Variants in DPP10 observed in about 807,000 individuals in gnomAD.
DPP10 encodes dipeptidyl peptidase like 10.
Under a neutral mutation model 120.9 loss-of-function variants are expected in DPP10, and 33 were observed. The observed-to-expected ratio is 0.27, with a 90% confidence interval of 0.21 to 0.37. The LOEUF is 0.37. DPP10 is among the 10% of genes least tolerant of loss of function. The pLI is 1.00. For synonymous variants in DPP10, 337 were observed against 326.1 expected, an observed-to-expected ratio of 1.03 and a Z score of -0.36; for missense variants, 816 against 942.8, an observed-to-expected ratio of 0.87 and a Z score of 1.76.
chr2:115,041,544 A>G (rs981899), intron 1 of DPP10, among the ~76,000 whole-genome samples: 42,227 of 152,024 alleles, frequency 0.28, 6,256 homozygotes, highest in Non-Finnish European at 0.33. Context: ...CAGGATACCA[A>G]CTTAAGCATT....
chr2:114,768,994 G>T (rs1353042587), intron 1 of DPP10, among the ~76,000 whole-genome samples: 3 of 152,094 alleles, frequency 2.0e-5, no homozygotes, highest in Non-Finnish European at 4.4e-5. Context: ...GGGCAATGGG[G>T]AACCTCTTAC....
intron 1 of DPP10, among the ~76,000 whole-genome samples, chr2:114,889,754 T>C (rs1692387998): frequency 6.6e-6 from 1 of 152,202 alleles, no homozygotes; most frequent in African/African-American, 2.4e-5. Context: ...ATTTTCACAA[T>C]AGTACTTTAA....
At chr2:114,483,236 A>G (rs906229642) in intron 1 of DPP10, among the ~76,000 whole-genome samples, 6 of 151,984 alleles carry the variant, frequency 3.9e-5, no homozygotes, top group Non-Finnish European at 5.9e-5. Context: ...TTTTTTCTCA[A>G]TATTCTTCAG....
At chr2:114,813,980 AC>A (rs1685407271) in intron 1 of DPP10, among the ~76,000 whole-genome samples, 1 of 150,960 alleles carries the variant, frequency 6.6e-6, no homozygotes, top group Non-Finnish European at 1.5e-5. Flanking sequence ...ACACACACAC[AC>A]ACACACCACG....
intron 1 of DPP10, among the ~76,000 whole-genome samples, chr2:115,061,723 A>G (rs1485964572): frequency 6.6e-6 from 1 of 152,156 alleles, no homozygotes; most frequent in Admixed American, 6.5e-5. Flanking sequence ...TACTCCTTCC[A>G]AAGATCATTT....
chr2:114,636,543 G>C (rs1695316322), intron 1 of DPP10, among the ~76,000 whole-genome samples: 1 of 151,908 alleles, frequency 6.6e-6, no homozygotes, highest in Non-Finnish European at 1.5e-5. Context: ...AAACTGTTTA[G>C]ACCTTGAGGA....
chr2:115,471,387 C>T (rs529962230), intron 3 of DPP10, among the ~76,000 whole-genome samples: 1 of 152,194 alleles, frequency 6.6e-6, no homozygotes, highest in Admixed American at 6.5e-5. Flanking sequence ...TCTCCTGGGA[C>T]AGTAGAGTTA....
At chr2:115,447,805 C>T (rs759647648) in intron 3 of DPP10, among the ~76,000 whole-genome samples, 3 of 152,148 alleles carry the variant, frequency 2.0e-5, no homozygotes, top group Non-Finnish European at 2.9e-5. Context: ...CAGTCTCAGG[C>T]ATTTCTTTAT....
In DPP10 at chr2:115,800,507, G is replaced by C. The variant is rs1685083536; in HGVS notation, c.1700+9151G>C. Among the ~76,000 whole-genome samples the C allele has an allele frequency of 2.6e-5, 4 of 152,230 alleles. No homozygotes were observed. The South Asian group carries it at 8.3e-4, about 32-fold the overall frequency. Reference sequence around the variant, plus strand: ...TTGGTATTTTAGACATGAAGTCCTTGCCCATGCCTTTGTCCTGAATGGTGT... The same window carrying C: ...TTGGTATTTTAGACATGAAGTCCTTCCCCATGCCTTTGTCCTGAATGGTGT... On this transcript the variant is annotated intron_variant, in intron 19 of 25. Coordinates refer to ENST00000410059, the MANE Select transcript of DPP10 (RefSeq NM_020868.6).
At chr2:115,777,158 G>C (rs1271821103) in intron 13 of DPP10, 50 bp from the exon 14 acceptor site, 1 of 1,535,058 alleles carries the variant, frequency 6.5e-7, no homozygotes. Flanking sequence ...GTTTACCAGA[G>C]AGATGCTGTT....
chr2:114,944,575 C>T (rs17452375), intron 1 of DPP10, among the ~76,000 whole-genome samples: 3,523 of 152,202 alleles, frequency 0.023, 73 homozygotes, highest in Non-Finnish European at 0.036. Context: ...TTTAATCAGG[C>T]ATCATTTGTT....
At chr2:114,648,259 T>C (rs949938385) in intron 1 of DPP10, among the ~76,000 whole-genome samples, 14 of 152,202 alleles carry the variant, frequency 9.2e-5, no homozygotes, top group African/African-American at 3.4e-4. Flanking sequence ...TAAAGTTCAT[T>C]GTCTCTGATC....
At chr2:114,926,643 T>C (rs1695645883) in intron 1 of DPP10, among the ~76,000 whole-genome samples, 1 of 152,082 alleles carries the variant, frequency 6.6e-6, no homozygotes, top group South Asian at 2.1e-4. Context: ...TTTCCCCCTC[T>C]GGGAGAGAAG....
In DPP10 at chr2:115,689,965, T is replaced by C. The variant is rs1192984412; in HGVS notation, c.576+44T>C. ...ATGCACTGAACACTGCCAATCATGG[T>C]TTTATGGAAGATGTTAACTGAAACT... On this transcript the variant is annotated intron_variant, in intron 7 of 25. Coordinates refer to ENST00000410059, the MANE Select transcript of DPP10 (RefSeq NM_020868.6). The C allele has an allele frequency of 1.9e-6, 3 of 1,559,344 alleles. No individual in the cohort carries two copies. The African/African-American group carries it at 4.1e-5, about 21-fold the overall frequency.
intron 5 of DPP10, among the ~76,000 whole-genome samples, chr2:115,613,094 A>G (rs1261550041): frequency 6.6e-6 from 1 of 152,212 alleles, no homozygotes; most frequent in African/African-American, 2.4e-5. Flanking sequence ...GTTGCATTCT[A>G]CTACATAACA....
At chr2:115,817,318 A>G (rs17655602) in intron 21 of DPP10, among the ~76,000 whole-genome samples, 6,680 of 152,220 alleles carry the variant, frequency 0.044, 197 homozygotes, top group Non-Finnish European at 0.07. Context: ...AATAAAGCAA[A>G]TTCTTGGTGT....
At chr2:115,702,117 G>A (rs2149535990) in intron 7 of DPP10, among the ~76,000 whole-genome samples, 1 of 152,096 alleles carries the variant, frequency 6.6e-6, no homozygotes, top group South Asian at 2.1e-4. Context: ...AGGACTACTA[G>A]TGACACAATG....
At chr2:115,011,846 CTGCT>C (rs1385109514) in intron 1 of DPP10, among the ~76,000 whole-genome samples, 1 of 152,004 alleles carries the variant, frequency 6.6e-6, no homozygotes, top group East Asian at 1.9e-4. Context: ...ACCTGTGAGT[CTGCT>C]TGCTTTTTCA....
intron 1 of DPP10, among the ~76,000 whole-genome samples, chr2:114,602,247 A>G (rs952296110): frequency 2.0e-5 from 3 of 152,046 alleles, no homozygotes; most frequent in African/African-American, 7.2e-5. Flanking sequence ...ATCAAAGTAT[A>G]TAAAGGTTTT....
Sources: allele counts gnomAD v4.1 joint callset (sites outside exome capture counted in the v4.1 genomes callset), GRCh38; gene constraint gnomAD v4.1.1; transcripts MANE v1.5; gene names NCBI Gene and HGNC (gene_info 2026-07-23, HGNC 2026-07-21).